The following PDLIM5 variants were observed in gnomAD, a reference collection of about 807,000 sequenced individuals.
The protein encoded by PDLIM5 is PDZ and LIM domain protein 5.
PDLIM5 carries 34 observed loss-of-function variants against 64.2 expected under a neutral mutation model. That is an observed-to-expected ratio of 0.53 (90% CI 0.40 to 0.71). The LOEUF (loss-of-function observed/expected upper bound fraction) is 0.71. Among genes scored for constraint, PDLIM5 ranks in the 30% least tolerant of loss-of-function variants. The pLI, the probability that PDLIM5 is intolerant of heterozygous loss-of-function variation, is 0.00. For synonymous variants in PDLIM5, 253 were observed against 269.1 expected (o/e 0.94, Z 0.59); for missense variants, 683 against 733.6 (o/e 0.93, Z 0.80).
intron 7 of PDLIM5, among the ~76,000 whole-genome samples, chr4:94,611,948 T>TGGTGCA (rs1738398149): frequency 6.6e-6 from 1 of 152,214 alleles, no homozygotes; most frequent in Non-Finnish European, 1.5e-5. Flanking sequence ...CCAGGTGCAG[T>TGGTGCA]GGCTCACACC....
chr4:94,610,304 G>C (rs1560738709), intron 7 of PDLIM5: 5 of 1,509,376 alleles, frequency 3.3e-6, no homozygotes, highest in African/African-American at 1.4e-5. Flanking sequence ...ACAAAAACCA[G>C]GTAGAACTAC....
intron 2 of PDLIM5, among the ~76,000 whole-genome samples, chr4:94,502,307 A>G (rs919975500): frequency 1.3e-5 from 2 of 152,186 alleles, no homozygotes; most frequent in African/African-American, 4.8e-5. Flanking sequence ...GGAAGAACAG[A>G]TAGTGAGATT....
At chr4:94,649,107 C>G (rs74914297) in intron 9 of PDLIM5, among the ~76,000 whole-genome samples, 3,101 of 152,132 alleles carry the variant, frequency 0.02, 116 homozygotes, top group African/African-American at 0.071. Flanking sequence ...TCCCGAATAG[C>G]TAAGACCACG....
chr4:94,574,670 C>T (rs1031214867), intron 4 of PDLIM5, among the ~76,000 whole-genome samples: 12 of 152,058 alleles, frequency 7.9e-5, no homozygotes, highest in Admixed American at 4.6e-4. Flanking sequence ...TGAGCTATCC[C>T]GCCTCCTGGG....
intron 2 of PDLIM5, among the ~76,000 whole-genome samples, chr4:94,520,397 C>A (rs1397754357): frequency 6.6e-6 from 1 of 152,154 alleles, no homozygotes; most frequent in East Asian, 1.9e-4. Context: ...ATACTGATGA[C>A]AGATAGTAAA....
At position 94,468,053 on chromosome 4, in the gene PDLIM5, T is replaced by G. The variant is rs374655425; in HGVS notation, c.96+12669T>G. Among the ~76,000 whole-genome samples, 39 of 152,318 alleles carry G rather than the reference T, an allele frequency of 2.6e-4. 1 individual carries two copies. The highest frequency in any genetic ancestry group is 1.2e-3 in the Admixed American group (18 of 15,304). On this transcript the variant is annotated intron_variant, in intron 2 of 12. Transcript: ENST00000317968. ...AGATATGTTAAGACCAATGCAAAGT[T>G]TTAATTATGAAGTAAGGAAACTGAT...
chr4:94,472,515 G>A (rs1724971986), intron 2 of PDLIM5, among the ~76,000 whole-genome samples: 1 of 152,176 alleles, frequency 6.6e-6, no homozygotes, highest in South Asian at 2.1e-4. Flanking sequence ...GACAGAATAG[G>A]TAAGTGGAAT....
chr4:94,664,144 C>A lies in PDLIM5; in HGVS notation c.*77C>A. 1 of 1,341,820 alleles carries A rather than the reference C, an allele frequency of 7.5e-7. No individual in the cohort carries two copies. The highest frequency in any genetic ancestry group is 1.7e-5 in the South Asian group (1 of 58,268). The allele number at this position is 1,341,820 out of a possible 1,614,324, so 83.1% of individuals were successfully genotyped here. ...AAAATTACTAATTAATTTTTAGATT[C>A]AATATTTATATGGAGTTTTGAAAAA... is the stretch of plus-strand genomic sequence containing the variant. On this transcript the variant is annotated 3_prime_UTR_variant, in exon 13 of 13. Coordinates refer to ENST00000317968, the MANE Select transcript of PDLIM5 (RefSeq NM_006457.5).
intron 3 of PDLIM5, among the ~76,000 whole-genome samples, chr4:94,563,068 A>G (rs1188569486): frequency 2.0e-5 from 3 of 152,190 alleles, no homozygotes; most frequent in African/African-American, 7.2e-5. Context: ...ATTAATAAAC[A>G]GTTGAATGAG....
intron 3 of PDLIM5, among the ~76,000 whole-genome samples, chr4:94,556,587 T>C (rs1733350383): frequency 6.6e-6 from 1 of 152,220 alleles, no homozygotes; most frequent in African/African-American, 2.4e-5. Flanking sequence ...GACTTTTTAA[T>C]GATCACCATT....
intron 4 of PDLIM5, among the ~76,000 whole-genome samples, chr4:94,574,206 G>C (rs887564839): frequency 2.0e-5 from 3 of 152,128 alleles, no homozygotes; most frequent in African/African-American, 4.8e-5. Context: ...CTTCCTATAA[G>C]ATGAATTGAG....
rs33961001 is a variant in PDLIM5, at chr4:94,664,491, T to TA, written c.*433dup. On this transcript the variant is annotated 3_prime_UTR_variant, in exon 13 of 13. Transcript: ENST00000317968. The stretch of plus-strand genomic sequence containing the variant: ...TTATCAATAACAGAATTATTGTATT[T>TA]AAAAAAAAACTAATACTTATCTTTA... 4.4e-4 allele frequency: 304 copies of TA among 689,784 alleles called. No individual in the cohort carries two copies. The highest frequency in any genetic ancestry group is 5.8e-4 in the South Asian group (9 of 15,532). 42.7% of individuals were successfully genotyped at this position (689,784 alleles called of 1,614,324 possible).
At chr4:94,624,770 T>C (rs1286664735) in intron 8 of PDLIM5, among the ~76,000 whole-genome samples, 2 of 152,198 alleles carry the variant, frequency 1.3e-5, no homozygotes, top group Non-Finnish European at 2.9e-5. Context: ...TAGTTCAGTA[T>C]GTTTAAGACT....
In PDLIM5 at chr4:94,614,108, A is replaced by G. The variant is rs373883454; in HGVS notation, c.921-3896A>G. On this transcript the variant is annotated intron_variant, in intron 7 of 12. Coordinates refer to ENST00000317968, the MANE Select transcript of PDLIM5 (RefSeq NM_006457.5). ...CTCCCGAGTAGCTGGGACTTCAGGC[A>G]TGCACCACCACACCCAGCTAATTTT... Among the ~76,000 whole-genome samples the G allele has an allele frequency of 6.7e-3, 1,025 of 152,020 alleles. 14 individuals are homozygous for G. Among genetic ancestry groups the G allele is most frequent in the African/African-American group, 0.023 (973 of 41,460 alleles).
At chr4:94,534,284 A>G (rs938212262) in intron 3 of PDLIM5, among the ~76,000 whole-genome samples, 8 of 152,230 alleles carry the variant, frequency 5.3e-5, no homozygotes, top group African/African-American at 1.9e-4. Context: ...TATTAAAATC[A>G]AGTAAAATTA....
Position 94,636,539 on chromosome 4 carries a change from C to CTT in PDLIM5, c.1109-3721_1109-3720dup, listed in dbSNP as rs770256162. ...TAGAAAGAAGTATATAGAGTTCGTA[C>CTT]TTTTTTTTTTTTTTTTTGAGATGGA... On this transcript the variant is annotated intron_variant, in intron 8 of 12. Transcript: ENST00000317968. Among the ~76,000 whole-genome samples the CTT allele has an allele frequency of 5.8e-3, 781 of 133,856 alleles. 10 individuals carry two copies. The highest frequency in any genetic ancestry group is 0.019 in the African/African-American group (695 of 36,426). The allele number at this position is 133,856 out of a possible 152,430, so 87.8% of individuals were successfully genotyped here.
rs201905883 is a variant in PDLIM5 at position 94,462,558 on chromosome 4, G to GTA, written c.96+7184_96+7185dup. Among the ~76,000 whole-genome samples, 745 of 151,568 alleles carry GTA rather than the reference G, an allele frequency of 4.9e-3. 5 individuals are homozygous for GTA. The highest frequency in any genetic ancestry group is 0.017 in the African/African-American group (686 of 41,290). On this transcript the variant is annotated intron_variant, in intron 2 of 12. Coordinates refer to ENST00000317968, the MANE Select transcript of PDLIM5 (RefSeq NM_006457.5). ...TGCAGTGTAAGTTTTGCCCATATAT[G>GTA]TATATATATATGTGTAGACATTTAA...
At chr4:94,637,874 A>G (rs2110450463) in intron 8 of PDLIM5, among the ~76,000 whole-genome samples, 1 of 152,320 alleles carries the variant, frequency 6.6e-6, no homozygotes, top group African/African-American at 2.4e-5. Context: ...GCAATAGTCC[A>G]GATTTGAGGA....
At chr4:94,525,405 G>A (rs955808016) in intron 3 of PDLIM5, among the ~76,000 whole-genome samples, 3 of 151,700 alleles carry the variant, frequency 2.0e-5, no homozygotes, top group African/African-American at 4.9e-5. Flanking sequence ...GCAACGGAGC[G>A]ACACTCTGTC....
Sources: allele counts gnomAD v4.1 joint callset (sites outside exome capture counted in the v4.1 genomes callset), GRCh38; gene constraint gnomAD v4.1.1; transcripts MANE v1.5; gene names NCBI Gene and HGNC (gene_info 2026-07-23, HGNC 2026-07-21).